The following SNPH variants were observed in gnomAD, a reference collection of about 807,000 sequenced individuals.
SNPH encodes syntaphilin.
In SNPH, 10 loss-of-function variants were observed where a neutral mutation model predicts 36.8. That is an observed-to-expected ratio of 0.27 (90% confidence interval 0.17 to 0.46). SNPH has a LOEUF of 0.46. Ranked by LOEUF, SNPH falls within the 20% of genes least tolerant of loss-of-function variation. The pLI is 1.00. For missense variants in SNPH, 622 were observed against 744.0 expected (o/e 0.84, Z 1.91); for synonymous variants, 281 against 312.2 (o/e 0.90, Z 1.05).
At chr20:1,275,758 G>T (rs895166771) in intron 2 of SNPH, among the ~76,000 whole-genome samples, 1 of 152,086 alleles carries the variant, frequency 6.6e-6, no homozygotes, top group African/African-American at 2.4e-5. Flanking sequence ...GGAGTGAGGT[G>T]GTCTAAGAGC....
chr20:1,306,032 C>A lies in SNPH; in HGVS notation c.1595C>A (p.Ala532Glu). ...CTGAGCCAGCCGAGTCCCAGCCCAG[C>A]GGGCGGCGGCTCCCAGCTCTGAGGG... is the stretch of plus-strand genomic sequence containing the variant. ...RSLSQPSPSPAGGGSQL is the reference protein window; with the variant it reads ...RSLSQPSPSPEGGGSQL The change falls in exon 7 of 7, where the codon GCG becomes GAG. Residue 532 changes from alanine to glutamate, a missense_variant. Coordinates refer to ENST00000381867, the MANE Select transcript of SNPH (RefSeq NM_001318234.2). The A allele has an allele frequency of 1.4e-6, 2 of 1,479,372 alleles. No individual in the cohort carries two copies. Among genetic ancestry groups the A allele is most frequent in the Admixed American group, 2.4e-5 (1 of 41,354 alleles). The allele number at this position is 1,479,372 out of a possible 1,614,324, so 91.6% of individuals were successfully genotyped here.
At chr20:1,275,042 C>T (rs753402521) in intron 2 of SNPH, among the ~76,000 whole-genome samples, 5 of 152,192 alleles carry the variant, frequency 3.3e-5, no homozygotes, top group Non-Finnish European at 7.3e-5. Context: ...AGGCAAACTA[C>T]GTCTTCTGGC....
intron 5 of SNPH, 148 bp downstream of exon 5, chr20:1,297,400 C>T (rs910433676): frequency 6.2e-6 from 4 of 640,640 alleles, no homozygotes; most frequent in Non-Finnish European, 8.1e-6. Context: ...GATCATTTCT[C>T]CTTTCTGAGC....
intron 2 of SNPH, among the ~76,000 whole-genome samples, chr20:1,286,953 C>T (rs1201769673): frequency 6.6e-6 from 1 of 152,160 alleles, no homozygotes; most frequent in Non-Finnish European, 1.5e-5. Context: ...ATGAGCAAAG[C>T]ACAGCACACA....
At chr20:1,292,013 A>G (rs1481684350) in intron 2 of SNPH, among the ~76,000 whole-genome samples, 1 of 152,242 alleles carries the variant, frequency 6.6e-6, no homozygotes, top group Non-Finnish European at 1.5e-5. Flanking sequence ...GAATTAGAGA[A>G]TGTTAGATCC....
intron 2 of SNPH, among the ~76,000 whole-genome samples, chr20:1,286,209 C>A (rs908777722): frequency 2.0e-5 from 3 of 151,782 alleles, no homozygotes; most frequent in Admixed American, 6.6e-5. Flanking sequence ...AGAGGTAGGG[C>A]AGCTTCTCCA....
intron 5 of SNPH, among the ~76,000 whole-genome samples, chr20:1,299,524 C>A (rs916720119): frequency 6.6e-6 from 1 of 152,224 alleles, no homozygotes; most frequent in Non-Finnish European, 1.5e-5. Context: ...GAAAGCCTGG[C>A]CCTCCCTCCT....
chr20:1,302,745 G>A (rs1171495981), intron 6 of SNPH, among the ~76,000 whole-genome samples: 1 of 152,240 alleles, frequency 6.6e-6, no homozygotes, highest in African/African-American at 2.4e-5. Context: ...TGACCACATC[G>A]TTCTTGACCA....
intron 2 of SNPH, among the ~76,000 whole-genome samples, chr20:1,269,599 A>G (rs1307793778): frequency 6.6e-6 from 1 of 152,174 alleles, no homozygotes; most frequent in Admixed American, 6.5e-5. Context: ...GAAGCTGTGA[A>G]CAATTTACGG....
chr20:1,298,573 C>A (rs1377925824), intron 5 of SNPH, among the ~76,000 whole-genome samples: 1 of 152,204 alleles, frequency 6.6e-6, no homozygotes, highest in Non-Finnish European at 1.5e-5. Flanking sequence ...CAACTTTAAT[C>A]TTTTCTATTA....
In SNPH at chr20:1,306,015, GCCGAGT is replaced by G; in HGVS notation, c.1581_1586del (p.Ser530_Pro531del). ...GGATCAGCTGCCGCTCGCTGAGCCA[GCCGAGT>G]CCCAGCCCAGCGGGCGGCGGCTCCC... On this transcript the variant is annotated inframe_deletion, in exon 7 of 7. Transcript: ENST00000381867. 1.3e-6 allele frequency: 2 copies of G among 1,515,640 alleles called. No individual in the cohort carries two copies. The highest frequency in any genetic ancestry group is 2.5e-5 in the East Asian group (1 of 40,750). The allele number at this position is 1,515,640 out of a possible 1,614,324, so 93.9% of individuals were successfully genotyped here.
At position 1,285,579 on chromosome 20, in the gene SNPH, C is replaced by G. The variant is rs2088275350; in HGVS notation, c.-492-9372C>G. Among the ~76,000 whole-genome samples the G allele has an allele frequency of 6.6e-6, 1 of 152,194 alleles. No homozygotes were observed. Among genetic ancestry groups the G allele is most frequent in the Non-Finnish European group, 1.5e-5 (1 of 68,036 alleles). On this transcript the variant is annotated intron_variant, in intron 2 of 6. Coordinates refer to ENST00000381867, the MANE Select transcript of SNPH (RefSeq NM_001318234.2). This position sits in a 1 kb window ranked among gnomAD's most constrained non-coding sequence, Gnocchi z 4.9. ...ATTGCTCATTGTGATTATACTCATGCACAACTGTAATTAGCCCCATTTGAG... is the reference window on the plus strand; with the variant it reads ...ATTGCTCATTGTGATTATACTCATGGACAACTGTAATTAGCCCCATTTGAG...
At chr20:1,278,070 A>C (rs201465413) in intron 2 of SNPH, among the ~76,000 whole-genome samples, 2 of 68,276 alleles carry the variant, frequency 2.9e-5, no homozygotes, top group Non-Finnish European at 2.9e-5. Flanking sequence ...CTGTGTGTGT[A>C]TCTGTGTGTG....
intron 2 of SNPH, among the ~76,000 whole-genome samples, chr20:1,284,512 G>A (rs1262295894): frequency 1.3e-5 from 2 of 152,186 alleles, no homozygotes; most frequent in South Asian, 2.1e-4. Context: ...TGCTAAGGAC[G>A]GTGGAGAAAA....
At position 1,309,016 on chromosome 20, in the gene SNPH, C is replaced by T. The variant is rs2088619359; in HGVS notation, c.*2962C>T. ...TTAGCTTCTCACTGACACACCCTTC[C>T]CAATTGCCACAAGCGCAGGGGTATC... On this transcript the variant is annotated 3_prime_UTR_variant, in exon 7 of 7. Transcript: ENST00000381867. 1 of 152,302 alleles carries T rather than the reference C, an allele frequency of 6.6e-6. No individual in the cohort carries two copies. The highest frequency in any genetic ancestry group is 2.4e-5 in the African/African-American group (1 of 41,446). 9.4% of individuals were successfully genotyped at this position (152,302 alleles called of 1,614,324 possible).
At chr20:1,292,024 A>G (rs1348167737) in intron 2 of SNPH, among the ~76,000 whole-genome samples, 1 of 152,242 alleles carries the variant, frequency 6.6e-6, no homozygotes, top group Non-Finnish European at 1.5e-5. Flanking sequence ...TGTTAGATCC[A>G]GAGCACCTTA....
Position 1,281,974 on chromosome 20 carries a change from A to T in SNPH, c.-492-12977A>T, listed in dbSNP as rs369437596. Among the ~76,000 whole-genome samples the T allele has an allele frequency of 1.2e-4, 18 of 152,304 alleles. No individual in the cohort carries two copies. The East Asian group carries it at 2.9e-3, about 25-fold the overall frequency. Reference sequence around the variant, plus strand: ...CCATGGGGCAGAGGGTGGAGGGTGGAGGGTGGGGGTGAAGATACTTGCCAC... The same window carrying T: ...CCATGGGGCAGAGGGTGGAGGGTGGTGGGTGGGGGTGAAGATACTTGCCAC... On this transcript the variant is annotated intron_variant, in intron 2 of 6. Transcript: ENST00000381867.
chr20:1,288,870 C>T (rs952059688), intron 2 of SNPH, among the ~76,000 whole-genome samples: 2 of 152,110 alleles, frequency 1.3e-5, no homozygotes, highest in African/African-American at 2.4e-5. Flanking sequence ...GATCCGCCCA[C>T]CTCGGCCTCC....
chr20:1,304,069 C>T lies in SNPH; in HGVS notation c.441-809C>T, dbSNP rs1192570422. On this transcript the variant is annotated intron_variant, in intron 6 of 6. Transcript: ENST00000381867. This position sits in a 1 kb window ranked among gnomAD's most constrained non-coding sequence, Gnocchi z 4.3. ...ATCTGTGACTCGGGAATTTGAAAAG[C>T]CTGAGCATTTCTGGACAAGAGTCTG... is the stretch of plus-strand genomic sequence containing the variant. Among the ~76,000 whole-genome samples, 1 of 152,170 alleles carries T rather than the reference C, an allele frequency of 6.6e-6. No individual in the cohort carries two copies. Among genetic ancestry groups the T allele is most frequent in the African/African-American group, 2.4e-5 (1 of 41,428 alleles).
Sources: allele counts gnomAD v4.1 joint callset (sites outside exome capture counted in the v4.1 genomes callset), GRCh38; gene constraint gnomAD v4.1.1; non-coding constraint Gnocchi (gnomAD v3.1); transcripts MANE v1.5; gene names NCBI Gene and HGNC (gene_info 2026-07-23, HGNC 2026-07-21).